Variants in LUZP2 observed in about 807,000 individuals in gnomAD.
The protein encoded by LUZP2 is leucine zipper protein 2.
A neutral mutation model predicts 51.6 loss-of-function variants in LUZP2; 52 were observed. That is an observed-to-expected ratio of 1.01 (90% CI 0.81 to 1.27). The LOEUF (loss-of-function observed/expected upper bound fraction) is 1.27, where lower values mean the gene tolerates loss of function less well. Among genes scored for constraint, LUZP2 ranks in the 50% most tolerant of loss-of-function variants. The pLI, the probability that LUZP2 is intolerant of heterozygous loss-of-function variation, is 0.00. For synonymous variants in LUZP2, 154 were observed against 137.3 expected, an observed-to-expected ratio of 1.12 and a Z score of -0.85; for missense variants, 436 against 395.4, an observed-to-expected ratio of 1.10 and a Z score of -0.87.
intron 5 of LUZP2, among the ~76,000 whole-genome samples, chr11:24,821,926 G>T (rs1475836608): frequency 6.7e-6 from 1 of 150,074 alleles, no homozygotes; most frequent in Non-Finnish European, 1.5e-5. Context: ...TAGAAAAATA[G>T]AATATGAATT....
At chr11:24,741,967 TA>T (rs1266737985) in intron 4 of LUZP2, among the ~76,000 whole-genome samples, 234 of 84,174 alleles carry the variant, frequency 2.8e-3, no homozygotes, top group Non-Finnish European at 5.8e-3. Flanking sequence ...TATATATAAA[TA>T]TATACATTTA....
Position 24,763,227 on chromosome 11 carries a change from A to G in LUZP2, c.334-19A>G. On this transcript the variant is annotated intron_variant, in intron 4 of 11. Transcript: ENST00000336930. Reference sequence around the variant, plus strand: ...AATGAGTTTGGAATGTGTCTACATAATAGTCTATTCATTTTCAGATTAATT... The same window carrying G: ...AATGAGTTTGGAATGTGTCTACATAGTAGTCTATTCATTTTCAGATTAATT... 1 of 1,188,754 alleles carries G rather than the reference A, an allele frequency of 8.4e-7. No homozygotes were observed. 73.6% of individuals were successfully genotyped at this position (1,188,754 alleles called of 1,614,324 possible).
intron 1 of LUZP2, among the ~76,000 whole-genome samples, chr11:24,674,930 G>A (rs555686053): frequency 6.6e-6 from 1 of 152,236 alleles, no homozygotes; most frequent in South Asian, 2.1e-4. Context: ...CTATAATATT[G>A]CAATTTTAAC....
intron 5 of LUZP2, among the ~76,000 whole-genome samples, chr11:24,819,868 T>C (rs1380480017): frequency 6.6e-6 from 1 of 152,172 alleles, no homozygotes; most frequent in Non-Finnish European, 1.5e-5. Context: ...ATGAGGCTCT[T>C]CATTTTATGA....
At chr11:24,855,283 G>A (rs1461274699) in intron 5 of LUZP2, among the ~76,000 whole-genome samples, 1 of 151,910 alleles carries the variant, frequency 6.6e-6, no homozygotes, top group East Asian at 1.9e-4. Flanking sequence ...AAAATTTCAG[G>A]ATACAAAATA....
At chr11:25,027,886 G>GAAAAA (rs1174189551) in intron 9 of LUZP2, among the ~76,000 whole-genome samples, 4 of 133,348 alleles carry the variant, frequency 3.0e-5, no homozygotes, top group Non-Finnish European at 4.6e-5. Context: ...AAAAAAAAAG[G>GAAAAA]TGTTTAGATT....
rs1854359636 is a variant in LUZP2, at chr11:24,618,211, A to C, written c.63-110958A>C. ...CGAATCTCCACTAGGCCACATGTGG[A>C]AGCAACACAGCCAAGAATAGGAAAA... is the stretch of plus-strand genomic sequence containing the variant. On this transcript the variant is annotated intron_variant, in intron 1 of 11. Transcript: ENST00000336930. Among the ~76,000 whole-genome samples the C allele has an allele frequency of 1.3e-5, 2 of 152,196 alleles. 1 individual carries two copies. The highest frequency in any genetic ancestry group is 4.1e-4 in the South Asian group (2 of 4,828).
chr11:25,064,105 A>G (rs1858928430), intron 10 of LUZP2, among the ~76,000 whole-genome samples: 1 of 152,004 alleles, frequency 6.6e-6, no homozygotes, highest in South Asian at 2.1e-4. Flanking sequence ...TACAAAGCAC[A>G]TATTCTTTCC....
intron 1 of LUZP2, among the ~76,000 whole-genome samples, chr11:24,515,749 C>T (rs1005770969): frequency 6.6e-6 from 1 of 152,130 alleles, no homozygotes; most frequent in African/African-American, 2.4e-5. Context: ...CATAGGCTCT[C>T]CAGTAGTGAA....
intron 1 of LUZP2, among the ~76,000 whole-genome samples, chr11:24,522,544 A>G (rs1028536156): frequency 6.6e-6 from 1 of 152,070 alleles, no homozygotes; most frequent in Non-Finnish European, 1.5e-5. Context: ...TAGGCTTCTT[A>G]GTATCCTGTA....
intron 10 of LUZP2, among the ~76,000 whole-genome samples, chr11:25,062,369 G>C (rs1218774503): frequency 6.6e-6 from 1 of 151,122 alleles, no homozygotes; most frequent in Admixed American, 6.6e-5. Context: ...CAGATCACTT[G>C]AGTTCAGGAG....
rs143190753 is a variant in LUZP2 at position 24,990,371 on chromosome 11, A to G, written c.765+7078A>G. On this transcript the variant is annotated intron_variant, in intron 9 of 11. Transcript: ENST00000336930. ...AATTTTATATGTAAAATTTAAATTT[A>G]ACTGCTCCATTTTGTTTTTCAGCAA... 5.3e-5 allele frequency among the ~76,000 whole-genome samples: 8 copies of G among 152,218 alleles called. No individual in the cohort carries two copies. The East Asian group carries it at 1.5e-3, about 29-fold the overall frequency.
chr11:24,961,728 A>G (rs959320592), intron 7 of LUZP2, among the ~76,000 whole-genome samples: 35 of 151,850 alleles, frequency 2.3e-4, no homozygotes, highest in African/African-American at 8.2e-4. Flanking sequence ...CTTTTAATTG[A>G]AGCATTTAGT....
chr11:24,755,848 T>G (rs897600884), intron 4 of LUZP2, among the ~76,000 whole-genome samples: 2 of 152,176 alleles, frequency 1.3e-5, no homozygotes, highest in African/African-American at 4.8e-5. Context: ...CCTCAAAATA[T>G]GTTTTCTTAC....
intron 1 of LUZP2, among the ~76,000 whole-genome samples, chr11:24,650,472 ATT>A (rs950444016): frequency 1.3e-5 from 2 of 152,014 alleles, no homozygotes; most frequent in Non-Finnish European, 2.9e-5. Flanking sequence ...TTTTGTTTAC[ATT>A]TTAAAAGATT....
intron 5 of LUZP2, among the ~76,000 whole-genome samples, chr11:24,851,624 G>T (rs1276152010): frequency 1.3e-5 from 2 of 152,064 alleles, no homozygotes; most frequent in African/African-American, 4.8e-5. Context: ...GATGATGCTG[G>T]CCTCATAAAA....
intron 10 of LUZP2, among the ~76,000 whole-genome samples, chr11:25,052,886 G>T (rs1858563205): frequency 6.6e-6 from 1 of 152,054 alleles, no homozygotes; most frequent in Non-Finnish European, 1.5e-5. Flanking sequence ...GATATTGAAT[G>T]AATGCTATTT....
At chr11:24,956,561 G>C (rs993495000) in intron 7 of LUZP2, among the ~76,000 whole-genome samples, 16 of 152,118 alleles carry the variant, frequency 1.1e-4, no homozygotes, top group African/African-American at 3.9e-4. Context: ...AACATGTGCT[G>C]AGTGAAAATG....
At chr11:24,530,690 TA>T (rs1850964411) in intron 1 of LUZP2, among the ~76,000 whole-genome samples, 1 of 149,960 alleles carries the variant, frequency 6.7e-6, no homozygotes, top group Non-Finnish European at 1.5e-5. Flanking sequence ...TTTGCCTTTT[TA>T]TTTTCATTTT....
Sources: allele counts gnomAD v4.1 joint callset (sites outside exome capture counted in the v4.1 genomes callset), GRCh38; gene constraint gnomAD v4.1.1; transcripts MANE v1.5; gene names NCBI Gene and HGNC (gene_info 2026-07-23, HGNC 2026-07-21).